FOXO1: variants seen among roughly 807,000 people sequenced by gnomAD.
The protein encoded by FOXO1 is forkhead box protein O1.
FOXO1 carries 6 observed loss-of-function variants against 44.1 expected under a neutral mutation model. The ratio of observed to expected loss-of-function variants is 0.14; its 90% CI spans 0.07 to 0.27. FOXO1 has a LOEUF of 0.27. FOXO1 is among the 10% of genes least tolerant of loss of function. The pLI is 1.00. For missense variants in FOXO1, 737 were observed against 888.8 expected (o/e 0.83, Z 2.17); for synonymous variants, 380 against 362.7 (o/e 1.05, Z -0.54).
intron 1 of FOXO1, among the ~76,000 whole-genome samples, chr13:40,641,876 C>A (rs952910954): frequency 6.6e-6 from 1 of 152,054 alleles, no homozygotes; most frequent in Admixed American, 6.5e-5. Flanking sequence ...ATCCCAGCTA[C>A]TTGGGAGGCT....
intron 1 of FOXO1, among the ~76,000 whole-genome samples, chr13:40,624,128 C>A (rs1876707941): frequency 6.6e-6 from 1 of 151,074 alleles, no homozygotes; most frequent in Non-Finnish European, 1.5e-5. Context: ...AAATAAAAGA[C>A]TCCTAATCTC....
At chr13:40,637,203 G>T (rs1170675453) in intron 1 of FOXO1, among the ~76,000 whole-genome samples, 1 of 152,120 alleles carries the variant, frequency 6.6e-6, no homozygotes, top group East Asian at 1.9e-4. Context: ...CAGCACTTTG[G>T]GAGTGCCAAG....
chr13:40,620,892 G>A (rs777839032), intron 1 of FOXO1, among the ~76,000 whole-genome samples: 1 of 145,062 alleles, frequency 6.9e-6, no homozygotes, highest in Non-Finnish European at 1.5e-5. Flanking sequence ...ACCGTCTCCC[G>A]GGTTCAAGCT....
chr13:40,586,144 A>C (rs911969816), intron 1 of FOXO1, among the ~76,000 whole-genome samples: 4 of 152,228 alleles, frequency 2.6e-5, no homozygotes, highest in Non-Finnish European at 5.9e-5. Flanking sequence ...AGTGAAACCA[A>C]TTGAGAGGAT....
rs1004836513 is a variant in FOXO1, at chr13:40,560,455, T to G, written c.1036A>C (p.Met346Leu). 1 of 1,614,178 alleles carries G rather than the reference T, an allele frequency of 6.2e-7. No homozygotes were observed. The change falls in exon 2 of 3, where the codon ATG (methionine) becomes CTG (leucine). Residue 346 changes from methionine to leucine, a missense_variant. Coordinates refer to ENST00000379561, the MANE Select transcript of FOXO1 (RefSeq NM_002015.4). This position sits in a 1 kb window ranked among gnomAD's most constrained non-coding sequence, Gnocchi z 5.1. ...DDLGEGDVHS[M>L]VYPPSAAKMA... ...TTTGCGGCAGATGGCGGGTACACCA[T>G]AGAATGCACATCCCCTTCTCCAAGA...
intron 1 of FOXO1, among the ~76,000 whole-genome samples, chr13:40,613,860 G>A (rs1317115485): frequency 6.6e-6 from 1 of 152,182 alleles, no homozygotes; most frequent in Non-Finnish European, 1.5e-5. Flanking sequence ...GATCCTCACG[G>A]CTGGTACCAT....
intron 1 of FOXO1, among the ~76,000 whole-genome samples, chr13:40,574,294 G>A (rs1252048022): frequency 6.6e-6 from 1 of 152,208 alleles, no homozygotes; most frequent in East Asian, 1.9e-4. Context: ...CCAGTAGGAA[G>A]AGTACTAGAA....
chr13:40,622,570 C>G (rs1300374387), intron 1 of FOXO1, among the ~76,000 whole-genome samples: 2 of 152,070 alleles, frequency 1.3e-5, no homozygotes, highest in African/African-American at 4.8e-5. Context: ...GCAAATCTGT[C>G]TTTCCCAAGC....
chr13:40,611,018 T>TA, intron 1 of FOXO1: 1 of 455,638 alleles, frequency 2.2e-6, no homozygotes, highest in Non-Finnish European at 4.4e-6. Flanking sequence ...TGCAAAGTCT[T>TA]ACTTGTTGCA....
chr13:40,560,368 A>C lies in FOXO1; in HGVS notation c.1123T>G (p.Leu375Val), dbSNP rs771959182. 9 of 1,614,160 alleles carry C rather than the reference A, an allele frequency of 5.6e-6. No individual in the cohort carries two copies. Among genetic ancestry groups the C allele is most frequent in the Non-Finnish European group, 7.6e-6 (9 of 1,180,036 alleles). The part of the protein sequence containing the change: ...ISNPENMENL[L>V]DNLNLLSSPT... ...GATGAGAGAAGGTTGAGATTATCCA[A>C]AAGATTTTCCATGTTTTCGGGATTG... The change falls in exon 2 of 3, where the codon TTG becomes GTG. Residue 375 changes from leucine to valine, a missense_variant. By Grantham distance (32) the Leu-to-Val change is conservative. Around this residue, in one of 7 missense-constraint regions of FOXO1, gnomAD observed 136 missense variants for 186.4 expected, o/e 0.73. Transcript: ENST00000379561. The surrounding 1 kb of genome is among the most constrained non-coding windows in gnomAD (Gnocchi z 5.1).
chr13:40,642,165 CAGTA>C, intron 1 of FOXO1, among the ~76,000 whole-genome samples: 1 of 152,296 alleles, frequency 6.6e-6, no homozygotes, highest in South Asian at 2.1e-4. Flanking sequence ...GTGCCTGCCA[CAGTA>C]AGCACACAAT....
intron 1 of FOXO1, among the ~76,000 whole-genome samples, chr13:40,577,194 AC>A (rs1232880836): frequency 5.8e-4 from 68 of 117,690 alleles, no homozygotes; most frequent in African/African-American, 2.1e-3. Context: ...AGGCATGATT[AC>A]CCCCCGCCCA....
chr13:40,569,111 AG>A (rs1874383118), intron 1 of FOXO1, among the ~76,000 whole-genome samples: 1 of 152,228 alleles, frequency 6.6e-6, no homozygotes, highest in South Asian at 2.1e-4. Context: ...GTCATTCCAA[AG>A]GAAGGGAAAA....
At chr13:40,650,396 T>G (rs1877640923) in intron 1 of FOXO1, among the ~76,000 whole-genome samples, 1 of 152,210 alleles carries the variant, frequency 6.6e-6, no homozygotes, top group Admixed American at 6.5e-5. Flanking sequence ...TGCAGCCCAG[T>G]AGGTCTCAGC....
chr13:40,648,959 C>T (rs943915995), intron 1 of FOXO1, among the ~76,000 whole-genome samples: 16 of 152,154 alleles, frequency 1.1e-4, no homozygotes, highest in Admixed American at 5.2e-4. Context: ...TGTGATGTGC[C>T]TTGTGCAGGT....
intron 1 of FOXO1, among the ~76,000 whole-genome samples, chr13:40,588,268 C>G (rs1875245832): frequency 6.6e-6 from 1 of 152,184 alleles, no homozygotes; most frequent in South Asian, 2.1e-4. Context: ...CTGAACTGCA[C>G]AGTCAGGAAG....
intron 1 of FOXO1, among the ~76,000 whole-genome samples, chr13:40,665,245 G>T (rs1878188641): frequency 6.6e-6 from 1 of 152,134 alleles, no homozygotes. Flanking sequence ...AGTCGGCGCG[G>T]GCCGGGGGTT....
chr13:40,623,913 C>T (rs1386481505), intron 1 of FOXO1, among the ~76,000 whole-genome samples: 2 of 145,394 alleles, frequency 1.4e-5, no homozygotes, highest in Non-Finnish European at 3.0e-5. Flanking sequence ...AAGTGAGACA[C>T]CATCTCTTAA....
chr13:40,590,283 A>G (rs559553927), intron 1 of FOXO1, among the ~76,000 whole-genome samples: 9 of 152,358 alleles, frequency 5.9e-5, no homozygotes, highest in African/African-American at 2.2e-4. Context: ...TCTAAGCCCA[A>G]TGATGCAAAC....
Sources: allele counts gnomAD v4.1 joint callset (sites outside exome capture counted in the v4.1 genomes callset), GRCh38; gene constraint gnomAD v4.1.1; regional missense constraint gnomAD v4.1.1; non-coding constraint Gnocchi (gnomAD v3.1); transcripts MANE v1.5; gene names NCBI Gene and HGNC (gene_info 2026-07-23, HGNC 2026-07-21).